The following POLR1F variants were observed in gnomAD, a reference collection of about 807,000 sequenced individuals.
POLR1F encodes the protein RNA polymerase I subunit F, also known as DNA-directed RNA polymerase I subunit RPA43.
In POLR1F, 23 loss-of-function variants were observed where a neutral mutation model predicts 21.8. The ratio of observed to expected loss-of-function variants is 1.05; its 90% CI spans 0.76 to 1.49. The LOEUF (loss-of-function observed/expected upper bound fraction) is 1.49, where lower values mean the gene tolerates loss of function less well. Ranked by LOEUF, POLR1F falls within the 40% of genes most tolerant of loss-of-function variation. The pLI is 0.00. For missense variants in POLR1F, 435 were observed against 412.1 expected (o/e 1.06, Z -0.48); for synonymous variants, 162 against 152.8 (o/e 1.06, Z -0.45).
rs890381025 is a variant in POLR1F, at chr7:19,696,866, T to G, written c.*1450A>C. 1 of 152,120 alleles carries G rather than the reference T, an allele frequency of 6.6e-6. No individual in the cohort carries two copies. The highest frequency in any genetic ancestry group is 1.5e-5 in the Non-Finnish European group (1 of 67,958). 9.4% of individuals were successfully genotyped at this position (152,120 alleles called of 1,614,324 possible). ...ATTTTATACTGACAGCACATCTCAA[T>G]TTGGACAAGCTACATTTCCAGGGCT... On this transcript the variant is annotated 3_prime_UTR_variant, in exon 4 of 4. Transcript: ENST00000222567.
intron 3 of POLR1F, among the ~76,000 whole-genome samples, chr7:19,699,798 A>T (rs918288521): frequency 1.3e-5 from 2 of 152,182 alleles, no homozygotes; most frequent in African/African-American, 4.8e-5. Context: ...AGTTAACAAC[A>T]AAATAGAAAA....
chr7:19,699,536 A>G lies in POLR1F; in HGVS notation c.605+536T>C, dbSNP rs577989433. 3.3e-5 allele frequency among the ~76,000 whole-genome samples: 5 copies of G among 152,300 alleles called. No individual in the cohort carries two copies. In the South Asian group the frequency reaches 1.0e-3, roughly 32 times the overall value. Reference sequence around the variant, plus strand: ...TTTAAGGCAAAATACAGAAAAAATTATTAGCAATAGCAGCATTTTAAGAGT... The same window carrying G: ...TTTAAGGCAAAATACAGAAAAAATTGTTAGCAATAGCAGCATTTTAAGAGT... On this transcript the variant is annotated intron_variant, in intron 3 of 3. Coordinates refer to ENST00000222567, the MANE Select transcript of POLR1F (RefSeq NM_001002926.2).
rs1783574847 is a variant in POLR1F, at chr7:19,708,816, T to C, written c.201A>G (p.Lys67=). 1 of 1,613,988 alleles carries C rather than the reference T, an allele frequency of 6.2e-7. No homozygotes were observed. The highest frequency in any genetic ancestry group is 8.5e-7 in the Non-Finnish European group (1 of 1,179,962). Residue 67 remains lysine (K), a synonymous_variant, in exon 1 of 4, where the codon AAA becomes AAG. Coordinates refer to ENST00000222567, the MANE Select transcript of POLR1F (RefSeq NM_001002926.2). The part of the protein sequence containing the change: ...IALSPRYLNR[K]RTGIREQLDA... ...CAAGCTGTTCTCGAATGCCGGTGCG[T>C]TTCCTGTTAAGGTAGCGGGGCGACA... is the stretch of plus-strand genomic sequence containing the variant.
At position 19,698,695 on chromosome 7, in the gene POLR1F, T is replaced by A. The variant is rs768317854; in HGVS notation, c.638A>T (p.Glu213Val). 5 of 1,565,388 alleles carry A rather than the reference T, an allele frequency of 3.2e-6. No individual in the cohort carries two copies. In the African/African-American group the frequency reaches 5.6e-5, roughly 17 times the overall value. The part of the protein sequence containing the change: ...LQFKRSEVSE[E>V]VTENGTEEAA... ...TTCCTCAGTGCCATTTTCTGTAACTTCTTCAGAAACTTCAGAGCGCTTGAA... is the reference window on the plus strand; with the variant it reads ...TTCCTCAGTGCCATTTTCTGTAACTACTTCAGAAACTTCAGAGCGCTTGAA... Residue 213 changes from glutamate to valine, a missense_variant, in exon 4 of 4, where the codon GAA becomes GTA. Glu to Val is a moderately radical substitution (Grantham distance 121). Transcript: ENST00000222567.
intron 3 of POLR1F, among the ~76,000 whole-genome samples, chr7:19,699,003 T>C (rs1783414119): frequency 1.3e-5 from 2 of 152,078 alleles, no homozygotes; most frequent in Non-Finnish European, 2.9e-5. Flanking sequence ...TTTCCACACA[T>C]AAAAATGACA....
At chr7:19,701,595 C>T (rs926415020) in intron 2 of POLR1F, among the ~76,000 whole-genome samples, 5 of 152,032 alleles carry the variant, frequency 3.3e-5, no homozygotes, top group Admixed American at 6.5e-5. Flanking sequence ...CTGAACAGGC[C>T]GAAGACAGCC....
Position 19,698,301 on chromosome 7 carries a change from CG to C in POLR1F, c.*14del. ...TAGATCGATCTTTTAAAAACTGAATCGTGTTTAAAATACACTAAAGAAAATT... is the reference window on the plus strand; with the variant it reads ...TAGATCGATCTTTTAAAAACTGAATCTGTTTAAAATACACTAAAGAAAATT... On this transcript the variant is annotated 3_prime_UTR_variant, in exon 4 of 4. Coordinates refer to ENST00000222567, the MANE Select transcript of POLR1F (RefSeq NM_001002926.2). The C allele has an allele frequency of 6.5e-7, 1 of 1,530,984 alleles. No individual in the cohort carries two copies. The highest frequency in any genetic ancestry group is 8.7e-7 in the Non-Finnish European group (1 of 1,147,376). 94.8% of individuals were successfully genotyped at this position (1,530,984 alleles called of 1,614,324 possible).
chr7:19,705,433 T>G (rs1189359000), intron 1 of POLR1F: 1 of 153,882 alleles, frequency 6.5e-6, no homozygotes, highest in Non-Finnish European at 1.5e-5. Flanking sequence ...AGAAGGGACT[T>G]AGCAAAGAAA....
intron 3 of POLR1F, 140 bp downstream of exon 3, chr7:19,699,932 G>T (rs1171182260): frequency 1.5e-6 from 1 of 673,972 alleles, no homozygotes; most frequent in Non-Finnish European, 2.5e-6. Flanking sequence ...TGACTTTATG[G>T]TTTGAAAGCA....
intron 1 of POLR1F, among the ~76,000 whole-genome samples, chr7:19,706,251 A>G (rs1348096971): frequency 1.3e-5 from 2 of 152,206 alleles, no homozygotes; most frequent in African/African-American, 2.4e-5. Flanking sequence ...TGAGGTTTTA[A>G]TTTCCGCATG....
In POLR1F at chr7:19,696,309, G is replaced by C. The variant is rs1459581322; in HGVS notation, c.*2007C>G. On this transcript the variant is annotated 3_prime_UTR_variant, in exon 4 of 4. Transcript: ENST00000222567. ...TGTGAAAAAAGCAGGAACAAATCTA[G>C]TTTCAAGTTCAGCATGCCGTTCCCT... 6.6e-6 allele frequency: 1 copy of C among 152,100 alleles called. No individual in the cohort carries two copies. Among genetic ancestry groups the C allele is most frequent in the African/African-American group, 2.4e-5 (1 of 41,456 alleles). 9.4% of individuals were successfully genotyped at this position (152,100 alleles called of 1,614,324 possible).
intron 1 of POLR1F, among the ~76,000 whole-genome samples, chr7:19,706,863 AT>A (rs1469049037): frequency 6.6e-6 from 1 of 152,172 alleles, no homozygotes; most frequent in Non-Finnish European, 1.5e-5. Context: ...CAGTTCTTTA[AT>A]ACTATATGTT....
intron 1 of POLR1F, among the ~76,000 whole-genome samples, chr7:19,708,193 G>T (rs1391078862): frequency 6.6e-6 from 1 of 152,044 alleles, no homozygotes; most frequent in East Asian, 1.9e-4. Flanking sequence ...ACAAAATCCC[G>T]CTAAACTAAT....
At chr7:19,703,670 C>A (rs1313635652) in intron 2 of POLR1F, among the ~76,000 whole-genome samples, 2 of 152,144 alleles carry the variant, frequency 1.3e-5, no homozygotes, top group Non-Finnish European at 2.9e-5. Flanking sequence ...TCATAGCTCA[C>A]TGCAGCCTTG....
chr7:19,698,235 C>T lies in POLR1F; in HGVS notation c.*81G>A, dbSNP rs17141791. On this transcript the variant is annotated 3_prime_UTR_variant, in exon 4 of 4. Transcript: ENST00000222567. ...TTTTGTAAACTACTGGCATACTTAA[C>T]CTTTTCATATCACTGAAAACATTTA... The T allele has an allele frequency of 3.8e-3, 5,014 of 1,318,176 alleles. 174 individuals are homozygous for T. The African/African-American group carries it at 0.068, about 18-fold the overall frequency. 81.7% of individuals were successfully genotyped at this position (1,318,176 alleles called of 1,614,324 possible).
rs1783364854 is a variant in POLR1F, at chr7:19,696,372, T to G, written c.*1944A>C. On this transcript the variant is annotated 3_prime_UTR_variant, in exon 4 of 4. Coordinates refer to ENST00000222567, the MANE Select transcript of POLR1F (RefSeq NM_001002926.2). The stretch of plus-strand genomic sequence containing the variant: ...AAACACAACTGGCAGAAGTATTACT[T>G]GAAGCAAAACAAAAGTAACGTGGGA... 1 of 152,090 alleles carries G rather than the reference T, an allele frequency of 6.6e-6. No individual in the cohort carries two copies. The highest frequency in any genetic ancestry group is 1.9e-4 in the East Asian group (1 of 5,202). The allele number at this position is 152,090 out of a possible 1,614,324, so 9.4% of individuals were successfully genotyped here.
intron 2 of POLR1F, among the ~76,000 whole-genome samples, chr7:19,701,962 T>C (rs1283503979): frequency 6.6e-6 from 1 of 152,130 alleles, no homozygotes; most frequent in Non-Finnish European, 1.5e-5. Context: ...GGCAAAGCAA[T>C]ATCTGTGTGT....
At chr7:19,701,705 A>G (rs1166982603) in intron 2 of POLR1F, among the ~76,000 whole-genome samples, 1 of 25,774 alleles carries the variant, frequency 3.9e-5, no homozygotes, top group South Asian at 2.3e-3. Flanking sequence ...ACTAACCTTT[A>G]AGTCAGATGG....
At chr7:19,700,599 C>A (rs2128006278) in intron 2 of POLR1F, among the ~76,000 whole-genome samples, 1 of 152,246 alleles carries the variant, frequency 6.6e-6, no homozygotes, top group South Asian at 2.1e-4. Flanking sequence ...GAAAAAAAAC[C>A]ATCTCAACTC....
Sources: allele counts gnomAD v4.1 joint callset (sites outside exome capture counted in the v4.1 genomes callset), GRCh38; gene constraint gnomAD v4.1.1; transcripts MANE v1.5; gene names NCBI Gene and HGNC (gene_info 2026-07-23, HGNC 2026-07-21).